CRYBG1: variants seen among roughly 807,000 people sequenced by gnomAD.
The protein encoded by CRYBG1 is beta/gamma crystallin domain-containing protein 1.
CRYBG1 carries 139 observed loss-of-function variants against 189.2 expected under a neutral mutation model. That is an observed-to-expected ratio of 0.73 (90% CI 0.64 to 0.85). CRYBG1 has a LOEUF of 0.85. Ranked by LOEUF, CRYBG1 falls within the 40% of genes least tolerant of loss-of-function variation. The probability of loss-of-function intolerance (pLI) is 0.00; values close to 1 mark genes in which losing one functional copy is unlikely to be tolerated. For synonymous variants in CRYBG1, 1,023 were observed against 1,017.1 expected, an observed-to-expected ratio of 1.01 and a Z score of -0.11; for missense variants, 2,611 against 2,675.8, an observed-to-expected ratio of 0.98 and a Z score of 0.53.
In CRYBG1 at chr6:106,451,865, G is replaced by A. The variant is rs1041189066; in HGVS notation, c.312+33G>A. ...TTCATTTCTAATGTTTGACTCCCAA[G>A]AATAAACCCTTTAAAGAGCTAAAGC... On this transcript the variant is annotated intron_variant, in intron 2 of 21. Transcript: ENST00000633556. The A allele has an allele frequency of 3.2e-5, 49 of 1,523,260 alleles. No homozygotes were observed. In the African/African-American group the frequency reaches 5.2e-4, roughly 16 times the overall value. The allele number at this position is 1,523,260 out of a possible 1,614,324, so 94.4% of individuals were successfully genotyped here.
rs557490006 is a variant in CRYBG1, at chr6:106,380,044, T to A, written c.173+18963T>A. ...CTTTGTGCTCTTTTGAAATACACCGTCTCTAGGGCATTTCCATGTTTAGAG... is the reference window on the plus strand; with the variant it reads ...CTTTGTGCTCTTTTGAAATACACCGACTCTAGGGCATTTCCATGTTTAGAG... On this transcript the variant is annotated intron_variant, in intron 1 of 21. Coordinates refer to ENST00000633556, the MANE Select transcript of CRYBG1 (RefSeq NM_001371242.2). 6.6e-5 allele frequency among the ~76,000 whole-genome samples: 10 copies of A among 152,342 alleles called. No homozygotes were observed. The East Asian group carries it at 1.9e-3, about 29-fold the overall frequency.
rs1232841025 is a variant in CRYBG1, at chr6:106,544,843, G to T, written c.5222G>T (p.Gly1741Val). 1.1e-5 allele frequency: 17 copies of T among 1,613,236 alleles called. No individual in the cohort carries two copies. The East Asian group carries it at 1.1e-4, about 11-fold the overall frequency. The change falls in exon 13 of 22, where the codon GGT becomes GTT. Residue 1741 changes from glycine (G) to valine (V), a missense_variant. Gly to Val is a moderately radical substitution (Grantham distance 109). Coordinates refer to ENST00000633556, the MANE Select transcript of CRYBG1 (RefSeq NM_001371242.2). ...AGTGAAAAAAACTTTGGATCCAAAG[G>T]TTCCAGTATTGATGTATTGGGAATT... is the stretch of plus-strand genomic sequence containing the variant. ...MYSEKNFGSK[G>V]SSIDVLGIVA...
intron 13 of CRYBG1, among the ~76,000 whole-genome samples, chr6:106,548,499 G>T (rs1774315532): frequency 6.6e-6 from 1 of 152,170 alleles, no homozygotes; most frequent in Non-Finnish European, 1.5e-5. Context: ...AAAAAGAACA[G>T]AGTACTGGCT....
chr6:106,361,975 T>TCTTTCTTTCTTTCTTTCTTTC (rs373178193), intron 1 of CRYBG1, among the ~76,000 whole-genome samples: 243 of 129,492 alleles, frequency 1.9e-3, no homozygotes, highest in Admixed American at 2.2e-3. Context: ...CTTTCTTTTT[T>TCTTTCTTTCTTTCTTTCTTTC]TTTTTTTTTT....
Position 106,521,386 on chromosome 6 carries a change from G to A in CRYBG1, c.4178G>A (p.Gly1393Asp). The change falls in exon 4 of 22, where the codon GGT (glycine) becomes GAT (aspartate). Residue 1393 changes from glycine (G) to aspartate (D), a missense_variant. This residue lies in a region of CRYBG1 where 1,622 missense variants were observed against 1,735.0 expected (regional missense o/e 0.93). Coordinates refer to ENST00000633556, the MANE Select transcript of CRYBG1 (RefSeq NM_001371242.2). ...GCAAACAGTGACACCGACTTCATGG[G>A]TCTTTTCAAATCAAGCCGGTATGAC... Reference protein sequence around the residue: ...NCANSDTDFMGLFKSSRYDPS... With the variant: ...NCANSDTDFMDLFKSSRYDPS... 13 of 1,612,378 alleles carry A rather than the reference G, an allele frequency of 8.1e-6. No individual in the cohort carries two copies. Among genetic ancestry groups the A allele is most frequent in the Non-Finnish European group, 1.1e-5 (13 of 1,179,566 alleles).
intron 1 of CRYBG1, among the ~76,000 whole-genome samples, chr6:106,439,523 A>G (rs1373751414): frequency 6.6e-6 from 1 of 152,222 alleles, no homozygotes; most frequent in Non-Finnish European, 1.5e-5. Context: ...TCTTGACTGC[A>G]GGAATAAAAA....
intron 1 of CRYBG1, among the ~76,000 whole-genome samples, chr6:106,379,509 C>G (rs1203944477): frequency 1.3e-5 from 2 of 152,068 alleles, no homozygotes. Context: ...GATCCACCCG[C>G]CTCGGCCTCC....
At chr6:106,481,527 T>C (rs1157353609) in intron 2 of CRYBG1, among the ~76,000 whole-genome samples, 1 of 151,922 alleles carries the variant, frequency 6.6e-6, no homozygotes, top group African/African-American at 2.4e-5. Context: ...AGAAGCCCTC[T>C]CGATATCTTT....
chr6:106,399,884 C>T (rs1398436298), intron 1 of CRYBG1, among the ~76,000 whole-genome samples: 1 of 151,794 alleles, frequency 6.6e-6, no homozygotes, highest in Non-Finnish European at 1.5e-5. Context: ...CACCTGTAAT[C>T]CCAGCACTTT....
At chr6:106,408,049 C>G (rs762779849) in intron 1 of CRYBG1, among the ~76,000 whole-genome samples, 3 of 152,018 alleles carry the variant, frequency 2.0e-5, no homozygotes, top group Non-Finnish European at 4.4e-5. Context: ...GAGATAGAGA[C>G]AGGAAAAACC....
At chr6:106,455,749 AATTCAAGCAAAAAAAGGTTTTT>A (rs1333926711) in intron 2 of CRYBG1, among the ~76,000 whole-genome samples, 87 of 152,176 alleles carry the variant, frequency 5.7e-4, no homozygotes, top group Non-Finnish European at 1.1e-3. Flanking sequence ...TTATTTTATT[AATTCAAGCAAAAAAAGGTTTTT>A]TGCTTTAACC....
intron 1 of CRYBG1, among the ~76,000 whole-genome samples, chr6:106,411,543 G>A (rs1052380653): frequency 2.6e-5 from 4 of 152,144 alleles, no homozygotes; most frequent in Non-Finnish European, 5.9e-5. Context: ...AGGCTAGCAG[G>A]TGAAATTCTT....
At chr6:106,482,774 C>CAA (rs764312582) in intron 2 of CRYBG1, among the ~76,000 whole-genome samples, 1 of 142,986 alleles carries the variant, frequency 7.0e-6, no homozygotes, top group Non-Finnish European at 1.5e-5. Flanking sequence ...GACTCCATCT[C>CAA]AAAAAATAAT....
Position 106,454,156 on chromosome 6 carries a change from C to T in CRYBG1, c.312+2324C>T, listed in dbSNP as rs541236297. ...TCCCCATCTCCATCATCCCTTCTCC[C>T]CTCTCTCTTTTCACCCTTGCTCTCT... On this transcript the variant is annotated intron_variant, in intron 2 of 21. Coordinates refer to ENST00000633556, the MANE Select transcript of CRYBG1 (RefSeq NM_001371242.2). 6.8e-4 allele frequency among the ~76,000 whole-genome samples: 104 copies of T among 152,270 alleles called. No individual in the cohort carries two copies. In the Middle Eastern group the frequency reaches 0.014, roughly 20 times the overall value.
At position 106,569,369 on chromosome 6, in the gene CRYBG1, C is replaced by T. The variant is rs1213090336; in HGVS notation, c.*803C>T. On this transcript the variant is annotated 3_prime_UTR_variant, in exon 22 of 22. Transcript: ENST00000633556. ...CCAAGTAGCTGGGACTATAGGCACA[C>T]ATCACCAAGCCCAGCCAAATTTTGT... 6.6e-6 allele frequency: 1 copy of T among 152,046 alleles called. No homozygotes were observed. Among genetic ancestry groups the T allele is most frequent in the Non-Finnish European group, 1.5e-5 (1 of 68,028 alleles). 9.4% of individuals were successfully genotyped at this position (152,046 alleles called of 1,614,324 possible). A position where few individuals can be genotyped will look rare whatever the true frequency, so the allele number is the denominator to read the frequency against.
At chr6:106,481,572 C>G (rs944581004) in intron 2 of CRYBG1, among the ~76,000 whole-genome samples, 1 of 151,978 alleles carries the variant, frequency 6.6e-6, no homozygotes, top group East Asian at 1.9e-4. Flanking sequence ...TTTGTTCTTC[C>G]GTCCCTCTCC....
chr6:106,412,961 A>G (rs1426648715), intron 1 of CRYBG1, among the ~76,000 whole-genome samples: 1 of 151,982 alleles, frequency 6.6e-6, no homozygotes, highest in African/African-American at 2.4e-5. Context: ...AAAAAAAAAA[A>G]AAGAGCTTTT....
At chr6:106,453,783 T>C (rs946713603) in intron 2 of CRYBG1, among the ~76,000 whole-genome samples, 5 of 152,176 alleles carry the variant, frequency 3.3e-5, no homozygotes, top group Non-Finnish European at 7.3e-5. Context: ...GGCATTGGGC[T>C]GCCCACAGGA....
chr6:106,415,007 C>CT lies in CRYBG1; in HGVS notation c.174-36679dup, dbSNP rs200752522. On this transcript the variant is annotated intron_variant, in intron 1 of 21. Transcript: ENST00000633556. ...AGCAGGATTTTGAAGAAATCCTCTT[C>CT]TTTTTTTTCACATAAATGTGTCTTT... Among the ~76,000 whole-genome samples, 873 of 152,110 alleles carry CT rather than the reference C, an allele frequency of 5.7e-3. 11 individuals carry two copies. The highest frequency in any genetic ancestry group is 0.02 in the African/African-American group (842 of 41,494).
Sources: gnomAD v4.1 joint callset for allele counts (sites outside exome capture counted in the v4.1 genomes callset) on GRCh38, gnomAD v4.1.1 for gene constraint, gnomAD v4.1.1 regional missense constraint, MANE v1.5 for transcripts, NCBI Gene and HGNC (gene_info 2026-07-23, HGNC 2026-07-21) for gene names.